The following KIF3A variants were observed in gnomAD, a reference collection of about 807,000 sequenced individuals.
KIF3A encodes kinesin-like protein KIF3A.
A neutral mutation model predicts 92.6 loss-of-function variants in KIF3A; 27 were observed. The observed-to-expected ratio is 0.29, with a 90% confidence interval of 0.21 to 0.40. KIF3A has a LOEUF of 0.40. KIF3A is among the 10% of genes least tolerant of loss of function. The pLI, the probability that KIF3A is intolerant of heterozygous loss-of-function variation, is 1.00. For synonymous variants in KIF3A, 250 were observed against 275.4 expected (o/e 0.91, Z 0.92); for missense variants, 581 against 872.6 (o/e 0.67, Z 4.21).
Position 132,710,994 on chromosome 5 carries a change from A to G in KIF3A, c.1193T>C (p.Val398Ala). 2 of 1,611,824 alleles carry G rather than the reference A, an allele frequency of 1.2e-6. No homozygotes were observed. The highest frequency in any genetic ancestry group is 8.5e-7 in the Non-Finnish European group (1 of 1,178,064). Residue 398 changes from valine to alanine, a missense_variant, in exon 9 of 19, where the codon GTT (valine) becomes GCT (alanine). Transcript: ENST00000403231. ...SEEDDDEEGE[V>A]GEDGEKRKKR... ...TTTCCTTTTCTCTCCATCTTCTCCA[A>G]CCTCACCCTCTTCATCATCATCTTC...
In KIF3A at chr5:132,737,476, C is replaced by A. The variant is rs528869174; in HGVS notation, c.-57G>T. On this transcript the variant is annotated 5_prime_UTR_variant, in exon 1 of 19. Coordinates refer to ENST00000403231, the MANE Select transcript of KIF3A (RefSeq NM_001300791.2). Reference sequence around the variant, plus strand: ...CCGCCCGGGGTGCAGCCCAGCGACACCGGGTGCGCAGAAAGGATGGCCAGA... The same window carrying A: ...CCGCCCGGGGTGCAGCCCAGCGACAACGGGTGCGCAGAAAGGATGGCCAGA... 11 of 1,590,948 alleles carry A rather than the reference C, an allele frequency of 6.9e-6. No individual in the cohort carries two copies. The highest frequency in any genetic ancestry group is 3.6e-5 in the Admixed American group (2 of 56,298).
chr5:132,719,843 G>A (rs975273000), intron 5 of KIF3A, among the ~76,000 whole-genome samples: 1 of 152,164 alleles, frequency 6.6e-6, no homozygotes, highest in Non-Finnish European at 1.5e-5. Flanking sequence ...TGAGGCATCT[G>A]TATAATATCG....
chr5:132,721,967 T>C (rs1753840259), intron 4 of KIF3A, among the ~76,000 whole-genome samples: 1 of 152,242 alleles, frequency 6.6e-6, no homozygotes, highest in African/African-American at 2.4e-5. Context: ...TACTGGTCTA[T>C]ATCAATGCTT....
intron 16 of KIF3A, 174 bp downstream of exon 16, chr5:132,700,473 G>A (rs1327245595): frequency 1.5e-6 from 1 of 650,418 alleles, no homozygotes; most frequent in Non-Finnish European, 2.7e-6. Flanking sequence ...CCCAGACCAT[G>A]ATCTGTATGT....
chr5:132,702,511 T>C, intron 14 of KIF3A, 47 bp downstream of exon 14: 1 of 1,098,588 alleles, frequency 9.1e-7, no homozygotes, highest in Non-Finnish European at 1.3e-6. Flanking sequence ...AACTCCCTTT[T>C]AAAAAATCCA....
At chr5:132,720,908 A>G (rs752539476) in intron 4 of KIF3A, among the ~76,000 whole-genome samples, 194 bp from the exon 5 acceptor site, 10 of 152,098 alleles carry the variant, frequency 6.6e-5, no homozygotes, top group Non-Finnish European at 1.2e-4. Context: ...ATTTTATTTC[A>G]ATTGTGATGA....
At chr5:132,722,393 G>A (rs537611185) in intron 4 of KIF3A, among the ~76,000 whole-genome samples, 1 of 152,248 alleles carries the variant, frequency 6.6e-6, no homozygotes, top group East Asian at 1.9e-4. Flanking sequence ...GATCTCAATG[G>A]AAGCAGTTAC....
intron 4 of KIF3A, 27 bp downstream of exon 4, chr5:132,726,101 T>G (rs1754024443): frequency 6.6e-7 from 1 of 1,503,982 alleles, no homozygotes; most frequent in African/African-American, 1.4e-5. Context: ...TTGGAAAAAG[T>G]ACTCCACCAA....
Position 132,726,201 on chromosome 5 carries a change from C to T in KIF3A, c.437G>A (p.Arg146Gln). 5 of 1,609,220 alleles carry T rather than the reference C, an allele frequency of 3.1e-6. No individual in the cohort carries two copies. The highest frequency in any genetic ancestry group is 4.2e-6 in the Non-Finnish European group (5 of 1,177,964). Residue 146 changes from arginine (R) to glutamine (Q), a missense_variant, in exon 4 of 19, where the codon CGA becomes CAA. Coordinates refer to ENST00000403231, the MANE Select transcript of KIF3A (RefSeq NM_001300791.2). ...KAEGDTRFLV[R>Q]VSYLEIYNEE... The stretch of plus-strand genomic sequence containing the variant: ...ATTATATATTTCCAAATAAGACACT[C>T]GAACCAAAAATCTATAAAACATCAT...
At chr5:132,696,818 G>A (rs1752855158) in intron 18 of KIF3A, 136 bp from the exon 19 acceptor site, 1 of 631,260 alleles carries the variant, frequency 1.6e-6, no homozygotes, top group Non-Finnish European at 2.8e-6. Flanking sequence ...TTTGACCATG[G>A]TAAGTGTTCA....
intron 10 of KIF3A, among the ~76,000 whole-genome samples, chr5:132,706,686 T>C (rs192548729): frequency 1.3e-5 from 2 of 152,248 alleles, no homozygotes; most frequent in East Asian, 1.9e-4. Flanking sequence ...GCAAGAATAT[T>C]AAAGTTAACT....
chr5:132,727,949 C>T (rs952368537), intron 2 of KIF3A, among the ~76,000 whole-genome samples: 1 of 151,922 alleles, frequency 6.6e-6, no homozygotes, highest in Non-Finnish European at 1.5e-5. Context: ...CAGACTTTTC[C>T]GTGAAAATAA....
chr5:132,712,930 C>T (rs139779832), intron 8 of KIF3A, among the ~76,000 whole-genome samples: 2,031 of 152,182 alleles, frequency 0.013, 52 homozygotes, highest in African/African-American at 0.047. Flanking sequence ...GATGCCGAGG[C>T]AGGCAGATCA....
chr5:132,717,042 T>C, intron 5 of KIF3A, 58 bp from the exon 6 acceptor site: 1 of 1,534,950 alleles, frequency 6.5e-7, no homozygotes, highest in Non-Finnish European at 8.9e-7. Context: ...TTAAAAATAA[T>C]TAAACATCCT....
chr5:132,713,761 T>A (rs1005312019), intron 8 of KIF3A, among the ~76,000 whole-genome samples: 2 of 152,116 alleles, frequency 1.3e-5, no homozygotes, highest in South Asian at 2.1e-4. Flanking sequence ...ATGTAGTATA[T>A]ACACAATGGA....
rs777438792 is a variant in KIF3A, at chr5:132,716,411, G to A, written c.788C>T (p.Thr263Ile). ...GSERQAKTGA[T>I]GQRLKEATKI... is the part of the protein sequence containing the mutation. ...TGTAGCTTCCTTTAGGCGCTGTCCA[G>A]TAGCTCCAGTTTTTGCCTGTCTTTC... is the stretch of plus-strand genomic sequence containing the variant. Residue 263 changes from threonine to isoleucine, a missense_variant, in exon 7 of 19, where the codon ACT (threonine) becomes ATT (isoleucine). By Grantham distance (89) the Thr-to-Ile change is moderately conservative. Coordinates refer to ENST00000403231, the MANE Select transcript of KIF3A (RefSeq NM_001300791.2). The A allele has an allele frequency of 6.2e-7, 1 of 1,613,830 alleles. No individual in the cohort carries two copies. The highest frequency in any genetic ancestry group is 8.5e-7 in the Non-Finnish European group (1 of 1,179,928).
chr5:132,724,658 G>T (rs1430636431), intron 4 of KIF3A, among the ~76,000 whole-genome samples: 3 of 151,412 alleles, frequency 2.0e-5, no homozygotes, highest in East Asian at 3.9e-4. Context: ...TGGGAGGAGT[G>T]GGGAGGGATA....
intron 4 of KIF3A, among the ~76,000 whole-genome samples, chr5:132,724,809 A>AAAAT (rs1385956122): frequency 0.052 from 547 of 10,446 alleles, 61 homozygotes; most frequent in African/African-American, 0.091. Context: ...AAAAAAAAAT[A>AAAAT]TATATATATA....
At chr5:132,724,860 A>C (rs1436839779) in intron 4 of KIF3A, among the ~76,000 whole-genome samples, 13 of 128,524 alleles carry the variant, frequency 1.0e-4, no homozygotes, top group African/African-American at 3.8e-4. Context: ...TATATATTAA[A>C]AAATCATTCT....
Sources: gnomAD v4.1 joint callset for allele counts (sites outside exome capture counted in the v4.1 genomes callset) on GRCh38, gnomAD v4.1.1 for gene constraint, MANE v1.5 for transcripts, NCBI Gene and HGNC (gene_info 2026-07-23, HGNC 2026-07-21) for gene names.